Variants in TRPM6 observed in about 807,000 individuals in gnomAD.
TRPM6 encodes transient receptor potential cation channel subfamily M member 6.
TRPM6 carries 111 observed loss-of-function variants against 247.6 expected under a neutral mutation model. That is an observed-to-expected ratio of 0.45 (90% CI 0.38 to 0.52). The LOEUF (loss-of-function observed/expected upper bound fraction) is 0.52, where lower values mean the gene tolerates loss of function less well. TRPM6 is among the 20% of genes least tolerant of loss of function. TRPM6 has a pLI of 0.00. For synonymous variants in TRPM6, 892 were observed against 853.8 expected (o/e 1.04, Z -0.78); for missense variants, 2,126 against 2,421.5 (o/e 0.88, Z 2.56).
intron 1 of TRPM6, among the ~76,000 whole-genome samples, chr9:74,880,267 C>T (rs1831321755): frequency 6.6e-6 from 1 of 152,042 alleles, no homozygotes; most frequent in African/African-American, 2.4e-5. Flanking sequence ...ACAAAAGGAA[C>T]AGAAAACCTA....
chr9:74,723,242 C>A lies in TRPM6; in HGVS notation c.*1371G>T, dbSNP rs1426081135. On this transcript the variant is annotated 3_prime_UTR_variant, in exon 39 of 39. Coordinates refer to ENST00000360774, the MANE Select transcript of TRPM6 (RefSeq NM_017662.5). ...CCATATTTCAAAATATATATACATT[C>A]TTTATGCCAGGGGAATAGGGAACTC... 1 of 152,172 alleles carries A rather than the reference C, an allele frequency of 6.6e-6. No individual in the cohort carries two copies. Among genetic ancestry groups the A allele is most frequent in the Non-Finnish European group, 1.5e-5 (1 of 68,030 alleles). 9.4% of individuals were successfully genotyped at this position (152,172 alleles called of 1,614,324 possible).
chr9:74,850,042 G>C (rs1830245798), intron 3 of TRPM6, among the ~76,000 whole-genome samples: 1 of 152,240 alleles, frequency 6.6e-6, no homozygotes, highest in Admixed American at 6.5e-5. Context: ...AGTTACAGGG[G>C]AAACAGAAGT....
chr9:74,833,693 A>G (rs2118120117), intron 6 of TRPM6, among the ~76,000 whole-genome samples: 1 of 152,366 alleles, frequency 6.6e-6, no homozygotes, highest in Middle Eastern at 3.4e-3. Flanking sequence ...ACTCAGTAAC[A>G]GTAAGGGCAG....
At chr9:74,876,123 G>A (rs891129489) in intron 1 of TRPM6, among the ~76,000 whole-genome samples, 16 of 152,012 alleles carry the variant, frequency 1.1e-4, no homozygotes, top group African/African-American at 2.2e-4. Flanking sequence ...CGCTCTTGTC[G>A]CCCAGGCTGG....
Position 74,846,279 on chromosome 9 carries a change from G to A in TRPM6, c.153-3936C>T, listed in dbSNP as rs995832718. 5.3e-5 allele frequency among the ~76,000 whole-genome samples: 8 copies of A among 152,216 alleles called. No individual in the cohort carries two copies. In the South Asian group the frequency reaches 1.0e-3, roughly 20 times the overall value. ...CAGTACATGAACAGACATTTAAGGCGCAAATTGTTTGCTTCTTTTTTTTCC... is the reference window on the plus strand; with the variant it reads ...CAGTACATGAACAGACATTTAAGGCACAAATTGTTTGCTTCTTTTTTTTCC... On this transcript the variant is annotated intron_variant, in intron 3 of 38. Coordinates refer to ENST00000360774, the MANE Select transcript of TRPM6 (RefSeq NM_017662.5).
chr9:74,845,698 T>C (rs767075449), intron 3 of TRPM6, among the ~76,000 whole-genome samples: 16 of 152,022 alleles, frequency 1.1e-4, no homozygotes, highest in Non-Finnish European at 2.2e-4. Flanking sequence ...CCCTGTGTGG[T>C]GGAGCAAGTC....
chr9:74,743,719 G>A (rs1452050738), intron 32 of TRPM6, among the ~76,000 whole-genome samples: 1 of 152,050 alleles, frequency 6.6e-6, no homozygotes, highest in African/African-American at 2.4e-5. Flanking sequence ...CCCCATTGAG[G>A]GTACAAAACC....
At chr9:74,884,544 C>CATACATAA (rs1554743580) in intron 1 of TRPM6, among the ~76,000 whole-genome samples, 1 of 151,574 alleles carries the variant, frequency 6.6e-6, no homozygotes, top group Non-Finnish European at 1.5e-5. Flanking sequence ...TACATACATA[C>CATACATAA]GTATATAAAA....
intron 19 of TRPM6, 127 bp from the exon 20 acceptor site, chr9:74,788,869 C>A (rs1315265643): frequency 4.5e-6 from 5 of 1,120,372 alleles, no homozygotes; most frequent in Non-Finnish European, 3.9e-6. Flanking sequence ...GAACTAGGAC[C>A]ACCTTCGGGT....
chr9:74,820,174 T>C, intron 9 of TRPM6, 130 bp downstream of exon 9: 2 of 1,002,282 alleles, frequency 2.0e-6, no homozygotes, highest in Non-Finnish European at 3.0e-6. Flanking sequence ...CCCTCCACCC[T>C]GACAGGCCCC....
chr9:74,776,327 C>T (rs542378698), intron 23 of TRPM6, among the ~76,000 whole-genome samples: 1 of 151,904 alleles, frequency 6.6e-6, no homozygotes, highest in African/African-American at 2.4e-5. Flanking sequence ...AAAATGCCAA[C>T]ATTTTCAGTG....
intron 13 of TRPM6, among the ~76,000 whole-genome samples, chr9:74,810,350 G>A (rs190363958): frequency 2.6e-3 from 398 of 152,266 alleles, no homozygotes; most frequent in African/African-American, 9.3e-3. Flanking sequence ...ACAGGGAGGG[G>A]AACCACCTGA....
Position 74,818,293 on chromosome 9 carries a change from C to CTTTT in TRPM6, c.1135-1333_1135-1330dup, listed in dbSNP as rs1161401022. 3.0e-3 allele frequency among the ~76,000 whole-genome samples: 215 copies of CTTTT among 72,022 alleles called. 31 individuals carry two copies. Among genetic ancestry groups the CTTTT allele is most frequent in the African/African-American group, 0.011 (185 of 16,320 alleles). 47.2% of individuals were successfully genotyped at this position (72,022 alleles called of 152,430 possible). On this transcript the variant is annotated intron_variant, in intron 9 of 38. Transcript: ENST00000360774. The stretch of plus-strand genomic sequence containing the variant: ...AACTCACGTTTCAGATCTATCATTT[C>CTTTT]TTTTTTTTTTTTTTTTTTTTTTTTT...
In TRPM6 at chr9:74,801,890, A is replaced by T. The variant is rs764900346; in HGVS notation, c.2009+8T>A. On this transcript the variant is annotated splice_region_variant and intron_variant, in intron 16 of 38. Transcript: ENST00000360774. ...ATGTTTAGTATGAAGTGAAGAGAGA[A>T]CACTTACTTTGAGTAATTCTTCAAC... is the stretch of plus-strand genomic sequence containing the variant. 4 of 1,614,058 alleles carry T rather than the reference A, an allele frequency of 2.5e-6. No individual in the cohort carries two copies. The highest frequency in any genetic ancestry group is 3.4e-6 in the Non-Finnish European group (4 of 1,180,004).
chr9:74,742,659 A>G (rs572364500), intron 32 of TRPM6, 33 bp from the exon 33 acceptor site: 11 of 1,592,262 alleles, frequency 6.9e-6, no homozygotes, highest in Non-Finnish European at 8.6e-6. Context: ...TATTTTAAGT[A>G]TGCATCAGTG....
intron 7 of TRPM6, among the ~76,000 whole-genome samples, chr9:74,824,904 T>C (rs371788840): frequency 5.5e-4 from 83 of 152,122 alleles, no homozygotes; most frequent in African/African-American, 1.6e-3. Flanking sequence ...TTTAAAGTAT[T>C]CTCTGCCAAC....
chr9:74,884,216 C>T (rs181489141), intron 1 of TRPM6, among the ~76,000 whole-genome samples: 1 of 152,142 alleles, frequency 6.6e-6, no homozygotes, highest in African/African-American at 2.4e-5. Context: ...TATGGCCAGG[C>T]ACAGTGGCTC....
Position 74,800,397 on chromosome 9 carries a change from G to A in TRPM6, c.2095C>T (p.Leu699Phe). 6.2e-7 allele frequency: 1 copy of A among 1,614,030 alleles called. No individual in the cohort carries two copies. Among genetic ancestry groups the A allele is most frequent in the East Asian group, 2.2e-5 (1 of 44,858 alleles). Residue 699 changes from leucine to phenylalanine, a missense_variant, in exon 17 of 39, where the codon CTC (leucine) becomes TTC (phenylalanine). Physicochemically the swap from Leu to Phe is conservative, Grantham distance 22 (BLOSUM62 0). Transcript: ENST00000360774. ...CAGGTCGAATTGCTCCAGTTCCTGA[G>A]TTCATACGTCAACAGCGTCATGGCC... Reference protein sequence around the residue: ...RMAMTLLTYELRNWSNSTCLK... With the variant: ...RMAMTLLTYEFRNWSNSTCLK...
chr9:74,821,251 T>C (rs553693822), intron 8 of TRPM6, among the ~76,000 whole-genome samples: 38 of 152,314 alleles, frequency 2.5e-4, no homozygotes, highest in African/African-American at 8.9e-4. Context: ...ACATATGCTA[T>C]GAAAATGTCA....
Sources: gnomAD v4.1 joint callset for allele counts (sites outside exome capture counted in the v4.1 genomes callset) on GRCh38, gnomAD v4.1.1 for gene constraint, MANE v1.5 for transcripts, NCBI Gene and HGNC (gene_info 2026-07-23, HGNC 2026-07-21) for gene names.